Variants in PDZD2 observed in about 807,000 individuals in gnomAD.
PDZD2 encodes PDZ domain-containing protein 2.
In PDZD2, 90 loss-of-function variants were observed where a neutral mutation model predicts 220.7. The ratio of observed to expected loss-of-function variants is 0.41; its 90% CI spans 0.34 to 0.49. The LOEUF is 0.49. PDZD2 is among the 20% of genes least tolerant of loss of function. The pLI, the probability that PDZD2 is intolerant of heterozygous loss-of-function variation, is 0.28. For missense variants in PDZD2, 3,174 were observed against 3,608.5 expected (o/e 0.88, Z 3.08); for synonymous variants, 1,375 against 1,450.5 (o/e 0.95, Z 1.18).
intron 2 of PDZD2, among the ~76,000 whole-genome samples, chr5:31,871,955 T>C (rs796745695): frequency 2.6e-5 from 4 of 151,506 alleles, no homozygotes; most frequent in African/African-American, 4.8e-5. Context: ...TCTCCTAAAG[T>C]GTTGGGATTA....
intron 2 of PDZD2, among the ~76,000 whole-genome samples, chr5:31,863,136 C>G (rs940738642): frequency 6.6e-5 from 10 of 152,210 alleles, no homozygotes; most frequent in African/African-American, 2.4e-4. Context: ...CTGCCTGCCT[C>G]GACCTCCCAA....
intron 6 of PDZD2, among the ~76,000 whole-genome samples, chr5:32,015,945 CCCGTATCCGG>C (rs2112112109): frequency 6.6e-6 from 1 of 152,294 alleles, no homozygotes; most frequent in African/African-American, 2.4e-5. Context: ...AATCAGGAGA[CCCGTATCCGG>C]CTTCCGTTGC....
At chr5:32,102,785 T>TA (rs148793507) in intron 24 of PDZD2, among the ~76,000 whole-genome samples, 2,779 of 151,646 alleles carry the variant, frequency 0.018, 78 homozygotes, top group African/African-American at 0.062. Flanking sequence ...AGCAAATATG[T>TA]AAAAAAAACA....
chr5:31,995,491 G>T (rs746463798), intron 3 of PDZD2, 85 bp from the exon 4 acceptor site: 2 of 1,383,514 alleles, frequency 1.4e-6, no homozygotes, highest in South Asian at 2.4e-5. Context: ...ATGGATATTC[G>T]GCCAGACGTG....
At chr5:31,749,423 ATT>A (rs34580721) in intron 1 of PDZD2, among the ~76,000 whole-genome samples, 6,188 of 139,940 alleles carry the variant, frequency 0.044, 139 homozygotes, top group Middle Eastern at 0.1. Flanking sequence ...TCACTGTGTG[ATT>A]TTTTTTTTTT....
At chr5:31,732,278 G>C (rs1445200963) in intron 1 of PDZD2, among the ~76,000 whole-genome samples, 1 of 152,150 alleles carries the variant, frequency 6.6e-6, no homozygotes, top group Non-Finnish European at 1.5e-5. Flanking sequence ...GGTGGGGTAA[G>C]AGTTTGTAAC....
chr5:31,725,338 C>CAAAA (rs1215709111), intron 1 of PDZD2, among the ~76,000 whole-genome samples: 5 of 67,356 alleles, frequency 7.4e-5, no homozygotes, highest in Admixed American at 1.5e-4. Context: ...AACTCCATCT[C>CAAAA]AAAAAAAAAA....
At chr5:32,010,793 C>T (rs531670330) in intron 6 of PDZD2, 15 of 390,332 alleles carry the variant, frequency 3.8e-5, no homozygotes, top group South Asian at 2.9e-4. Flanking sequence ...GTCAGGAGTT[C>T]AAGACCAGCC....
chr5:31,905,799 CAT>C (rs1358148397), intron 2 of PDZD2, among the ~76,000 whole-genome samples: 1 of 152,120 alleles, frequency 6.6e-6, no homozygotes, highest in Admixed American at 6.6e-5. Flanking sequence ...GGCCATGGCT[CAT>C]GTGCTAGAAG....
chr5:32,105,740 A>G (rs1744700767), intron 24 of PDZD2, among the ~76,000 whole-genome samples: 1 of 152,254 alleles, frequency 6.6e-6, no homozygotes, highest in African/African-American at 2.4e-5. Flanking sequence ...GAAAAAGCAT[A>G]AAAGCTTTCT....
intron 6 of PDZD2, among the ~76,000 whole-genome samples, chr5:32,014,823 C>G (rs1299612522): frequency 1.3e-5 from 2 of 148,654 alleles, no homozygotes; most frequent in African/African-American, 5.0e-5. Context: ...TTAAGCGATT[C>G]TTCCGCCTCA....
At chr5:31,774,509 T>C (rs931988395) in intron 1 of PDZD2, among the ~76,000 whole-genome samples, 3 of 151,782 alleles carry the variant, frequency 2.0e-5, no homozygotes, top group African/African-American at 7.3e-5. Context: ...AGGTCAGGAG[T>C]TCGAGACCAG....
chr5:31,741,178 T>C (rs1237144457), intron 1 of PDZD2, among the ~76,000 whole-genome samples: 1 of 135,938 alleles, frequency 7.4e-6, no homozygotes, highest in African/African-American at 2.8e-5. Flanking sequence ...AGTCAGATCT[T>C]GTACAATAGT....
In PDZD2 at chr5:31,992,610, G is replaced by C. The variant is rs148157880; in HGVS notation, c.979-2966G>C. ...ATGTTTTGTTTAACAAAGAGGAGGG[G>C]AAAAGGAGAAAAGAATGGTGGTGTA... On this transcript the variant is annotated intron_variant, in intron 3 of 24. Transcript: ENST00000438447. Among the ~76,000 whole-genome samples the C allele has an allele frequency of 1.1e-4, 16 of 152,272 alleles. No individual in the cohort carries two copies. In the East Asian group the frequency reaches 3.1e-3, roughly 29 times the overall value.
At chr5:31,878,311 G>C (rs1739505154) in intron 2 of PDZD2, among the ~76,000 whole-genome samples, 1 of 152,034 alleles carries the variant, frequency 6.6e-6, no homozygotes, top group African/African-American at 2.4e-5. Context: ...CTTGGTCCCT[G>C]ACAACTGGAT....
intron 2 of PDZD2, among the ~76,000 whole-genome samples, chr5:31,868,503 A>G (rs1738438172): frequency 6.6e-6 from 1 of 152,134 alleles, no homozygotes; most frequent in African/African-American, 2.4e-5. Context: ...TAGTTAGCAT[A>G]CCTGTCTTGC....
At chr5:32,071,552 C>CAG in intron 16 of PDZD2, 134 bp downstream of exon 16, 1 of 716,242 alleles carries the variant, frequency 1.4e-6, no homozygotes, top group Admixed American at 2.2e-5. Context: ...TACAGGAAAT[C>CAG]GCAACAATGC....
chr5:31,978,640 G>C (rs891930643), intron 2 of PDZD2, among the ~76,000 whole-genome samples: 1 of 150,676 alleles, frequency 6.6e-6, no homozygotes, highest in African/African-American at 2.4e-5. Context: ...GTGTGAACCC[G>C]GGAGGCGGAG....
chr5:31,769,232 A>G (rs1400335993), intron 1 of PDZD2, among the ~76,000 whole-genome samples: 1 of 152,202 alleles, frequency 6.6e-6, no homozygotes, highest in Non-Finnish European at 1.5e-5. Flanking sequence ...ATGAAGCTGA[A>G]CAAACCTGGA....
Sources: gnomAD v4.1 joint callset for allele counts (sites outside exome capture counted in the v4.1 genomes callset) on GRCh38, gnomAD v4.1.1 for gene constraint, MANE v1.5 for transcripts, NCBI Gene and HGNC (gene_info 2026-07-23, HGNC 2026-07-21) for gene names.